The following ESRRG variants were observed in gnomAD, a reference collection of about 807,000 sequenced individuals.
The protein encoded by ESRRG is estrogen-related receptor gamma.
ESRRG carries 13 observed loss-of-function variants against 44.0 expected under a neutral mutation model. The observed-to-expected ratio is 0.30, with a 90% CI of 0.19 to 0.47. ESRRG has a LOEUF of 0.47. ESRRG is among the 20% of genes least tolerant of loss of function. The probability of loss-of-function intolerance (pLI) is 1.00; values close to 1 mark genes in which losing one functional copy is unlikely to be tolerated. For missense variants in ESRRG, 395 were observed against 580.6 expected (o/e 0.68, Z 3.29); for synonymous variants, 215 against 214.6 (o/e 1.00, Z -0.02).
At chr1:217,056,461 C>T (rs552834441) in intron 1 of ESRRG, among the ~76,000 whole-genome samples, 4 of 151,876 alleles carry the variant, frequency 2.6e-5, no homozygotes, top group African/African-American at 9.7e-5. Context: ...GTATGCAAGA[C>T]TTTTTCCACT....
chr1:216,939,143 C>T (rs920798963), intron 2 of ESRRG, among the ~76,000 whole-genome samples: 5 of 151,742 alleles, frequency 3.3e-5, no homozygotes, highest in East Asian at 2.0e-4. Flanking sequence ...CAGGACAAGA[C>T]GTAAAGAAGA....
intron 2 of ESRRG, among the ~76,000 whole-genome samples, chr1:216,809,965 A>T (rs1266736008): frequency 6.6e-6 from 1 of 152,194 alleles, no homozygotes; most frequent in Non-Finnish European, 1.5e-5. Context: ...GACATCAATG[A>T]GATGAGTGCA....
At chr1:216,742,962 T>C (rs79134529) in intron 2 of ESRRG, among the ~76,000 whole-genome samples, 16,202 of 152,092 alleles carry the variant, frequency 0.11, 1,185 homozygotes, top group Non-Finnish European at 0.17. Context: ...GAATGAGAGG[T>C]GCAGCATCTT....
At chr1:217,101,702 T>C (rs2092514647) in intron 1 of ESRRG, among the ~76,000 whole-genome samples, 1 of 152,198 alleles carries the variant, frequency 6.6e-6, no homozygotes, top group Non-Finnish European at 1.5e-5. Context: ...TGCATATTCA[T>C]TTAGTTTATA....
intron 2 of ESRRG, among the ~76,000 whole-genome samples, chr1:216,780,205 C>T (rs2093878256): frequency 1.3e-5 from 2 of 151,930 alleles, no homozygotes; most frequent in Non-Finnish European, 2.9e-5. Flanking sequence ...ACCACCAGGG[C>T]CTATCATTCA....
At chr1:217,063,866 CA>C in intron 1 of ESRRG, among the ~76,000 whole-genome samples, 1 of 152,160 alleles carries the variant, frequency 6.6e-6, no homozygotes, top group South Asian at 2.1e-4. Flanking sequence ...TTGTGGTTCT[CA>C]GACTACACTT....
intron 2 of ESRRG, among the ~76,000 whole-genome samples, chr1:216,661,845 A>C (rs58065948): frequency 0.17 from 25,116 of 152,130 alleles, 2,142 homozygotes; most frequent in Middle Eastern, 0.2. Flanking sequence ...ACTCCTTGAC[A>C]TAAGTAATGG....
chr1:216,956,210 T>A (rs919034548), intron 1 of ESRRG, among the ~76,000 whole-genome samples: 1 of 149,788 alleles, frequency 6.7e-6, no homozygotes, highest in Non-Finnish European at 1.5e-5. Context: ...TTTAAGTTTA[T>A]TTTTGTATGT....
chr1:216,808,185 G>A (rs2789719), intron 2 of ESRRG, among the ~76,000 whole-genome samples: 121,428 of 151,694 alleles, frequency 0.8, 50,163 homozygotes, highest in Non-Finnish European at 0.91. Flanking sequence ...TGCTCCAAAA[G>A]TTTTTGGATT....
chr1:216,646,013 T>A (rs2067495777), intron 3 of ESRRG, among the ~76,000 whole-genome samples: 1 of 152,100 alleles, frequency 6.6e-6, no homozygotes, highest in African/African-American at 2.4e-5. Context: ...CCTCCCTCTC[T>A]GCTTTCTCTT....
rs771391565 is a variant in ESRRG at position 217,053,548 on chromosome 1, A to G, written c.-106+35959T>C. Among the ~76,000 whole-genome samples, 5 of 151,924 alleles carry G rather than the reference A, an allele frequency of 3.3e-5. No homozygotes were observed. The South Asian group carries it at 6.3e-4, about 19-fold the overall frequency. On this transcript the variant is annotated intron_variant, in intron 1 of 7. Transcript: ENST00000359162. ...AAAACAAAATCTCAAAATGCTGTAGAAAAATTATGTCATTTGTGTTTTAGT... is the reference window on the plus strand; with the variant it reads ...AAAACAAAATCTCAAAATGCTGTAGGAAAATTATGTCATTTGTGTTTTAGT...
At chr1:216,695,324 A>C (rs1008742722) in intron 1 of ESRRG, among the ~76,000 whole-genome samples, 5 of 152,200 alleles carry the variant, frequency 3.3e-5, no homozygotes, top group Non-Finnish European at 5.9e-5. Flanking sequence ...ACACACACAC[A>C]CACACACAAA....
chr1:216,921,124 A>T (rs2061780587), intron 2 of ESRRG, among the ~76,000 whole-genome samples: 1 of 152,192 alleles, frequency 6.6e-6, no homozygotes, highest in Non-Finnish European at 1.5e-5. Context: ...TTCAAAGAGT[A>T]TATCATCTAA....
Position 216,904,416 on chromosome 1 carries a change from T to C in ESRRG, c.-14+35166A>G, listed in dbSNP as rs796182486. Among the ~76,000 whole-genome samples the C allele has an allele frequency of 8.5e-5, 13 of 152,326 alleles. 1 individual carries two copies. The highest frequency in any genetic ancestry group is 2.9e-4 in the African/African-American group (12 of 41,580). On this transcript the variant is annotated intron_variant, in intron 2 of 7. Transcript: ENST00000359162. ...AGTTTAGGGGATATTCTGGATATTC[T>C]GGTAAATGTAGTGTGAGATTGCTAA...
chr1:217,053,628 T>C (rs533140736), intron 1 of ESRRG, among the ~76,000 whole-genome samples: 21 of 152,338 alleles, frequency 1.4e-4, no homozygotes, highest in Admixed American at 3.3e-4. Flanking sequence ...AAATTGCATG[T>C]TACCAAAATG....
At chr1:217,101,792 ATT>A (rs5780967) in intron 1 of ESRRG, among the ~76,000 whole-genome samples, 13,420 of 151,074 alleles carry the variant, frequency 0.089, 662 homozygotes, top group South Asian at 0.17. Flanking sequence ...ACAACATTTT[ATT>A]TTTTTTTTTA....
intron 2 of ESRRG, among the ~76,000 whole-genome samples, chr1:216,812,835 C>T (rs1337062002): frequency 6.6e-6 from 1 of 152,094 alleles, no homozygotes; most frequent in African/African-American, 2.4e-5. Context: ...GCCCAAAGTC[C>T]CTCAGGTCAG....
At chr1:216,527,074 A>G (rs2047877520) in intron 5 of ESRRG, among the ~76,000 whole-genome samples, 1 of 152,240 alleles carries the variant, frequency 6.6e-6, no homozygotes, top group Non-Finnish European at 1.5e-5. Flanking sequence ...TGCAAAATGA[A>G]TAAGACATAA....
intron 2 of ESRRG, among the ~76,000 whole-genome samples, chr1:216,828,831 C>T (rs1251198472): frequency 2.6e-5 from 4 of 152,118 alleles, no homozygotes; most frequent in Middle Eastern, 3.2e-3. Context: ...ATCTTTTACC[C>T]GTTCTCTTTT....
Sources: gnomAD v4.1 joint callset for allele counts (sites outside exome capture counted in the v4.1 genomes callset) on GRCh38, gnomAD v4.1.1 for gene constraint, MANE v1.5 for transcripts, NCBI Gene and HGNC (gene_info 2026-07-23, HGNC 2026-07-21) for gene names.